The following ARHGAP22 variants were observed in gnomAD, a reference collection of about 807,000 sequenced individuals.
ARHGAP22 encodes the protein Rho GTPase activating protein 22.
A neutral mutation model predicts 59.1 loss-of-function variants in ARHGAP22; 48 were observed. That is an observed-to-expected ratio of 0.81 (90% CI 0.64 to 1.03). ARHGAP22 has a LOEUF of 1.03. Among genes scored for constraint, ARHGAP22 ranks in the 50% least tolerant of loss-of-function variants. The pLI, the probability that ARHGAP22 is intolerant of heterozygous loss-of-function variation, is 0.00. For synonymous variants in ARHGAP22, 445 were observed against 416.4 expected, an observed-to-expected ratio of 1.07 and a Z score of -0.84; for missense variants, 1,015 against 958.7, an observed-to-expected ratio of 1.06 and a Z score of -0.78.
At position 48,450,553 on chromosome 10, in the gene ARHGAP22, G is replaced by A. The variant is rs1426343305; in HGVS notation, c.1576C>T (p.Leu526Phe). ...GCGCGGCAGGCCGTGCAGCTGCTGA[G>A]TGAGCCCCCCACCGACGACTCGCTG... ...SSSESSVGGS[L>F]SSCTACRASD... The change falls in exon 9 of 10, where the codon CTC becomes TTC. Residue 526 changes from leucine to phenylalanine, a missense_variant. Physicochemically the swap from Leu to Phe is conservative, Grantham distance 22 (BLOSUM62 0). Transcript: ENST00000249601. 2 of 1,524,148 alleles carry A rather than the reference G, an allele frequency of 1.3e-6. No homozygotes were observed. The highest frequency in any genetic ancestry group is 8.8e-7 in the Non-Finnish European group (1 of 1,136,354). The allele number at this position is 1,524,148 out of a possible 1,614,324, so 94.4% of individuals were successfully genotyped here.
intron 1 of ARHGAP22, among the ~76,000 whole-genome samples, chr10:48,620,416 T>A (rs2061244914): frequency 6.6e-6 from 1 of 152,184 alleles, no homozygotes; most frequent in Non-Finnish European, 1.5e-5. Flanking sequence ...GTCACTCAGA[T>A]CAAGAGTGAC....
intron 9 of ARHGAP22, among the ~76,000 whole-genome samples, chr10:48,449,817 A>G (rs1564657830): frequency 6.6e-6 from 1 of 152,186 alleles, no homozygotes; most frequent in Non-Finnish European, 1.5e-5. Context: ...TGATCCCATC[A>G]AGGAAGGGGT....
chr10:48,496,018 A>G lies in ARHGAP22; in HGVS notation c.323-16254T>C, dbSNP rs1022816204. ...ATCAGTCAAGCCTTCAGATGAGCCC[A>G]CAGTTGCAGCCAATTCTGTGATGAG... On this transcript the variant is annotated intron_variant, in intron 3 of 9. Transcript: ENST00000249601. Among the ~76,000 whole-genome samples the G allele has an allele frequency of 4.6e-5, 7 of 152,262 alleles. No homozygotes were observed. The South Asian group carries it at 1.2e-3, about 27-fold the overall frequency.
rs1430462353 is a variant in ARHGAP22 at position 48,604,821 on chromosome 10, C to T, written c.-25G>A. The T allele has an allele frequency of 8.1e-6, 13 of 1,614,056 alleles. No individual in the cohort carries two copies. Among genetic ancestry groups the T allele is most frequent in the Non-Finnish European group, 1.1e-5 (13 of 1,180,042 alleles). On this transcript the variant is annotated 5_prime_UTR_variant, in exon 1 of 10. Transcript: ENST00000249601. ...TGTTCTTGCAGCCGTCCGGCCAGCC[C>T]CGCAGGGCCGTTCATGCTGTCATCC...
intron 3 of ARHGAP22, among the ~76,000 whole-genome samples, chr10:48,547,761 T>A (rs892509459): frequency 6.6e-6 from 1 of 152,130 alleles, no homozygotes; most frequent in African/African-American, 2.4e-5. Flanking sequence ...TGCTCCTGAG[T>A]GTGGGGGGCC....
intron 2 of ARHGAP22, among the ~76,000 whole-genome samples, chr10:48,578,730 T>C (rs2058921797): frequency 6.6e-6 from 1 of 152,136 alleles, no homozygotes; most frequent in Admixed American, 6.5e-5. Flanking sequence ...TTTGTTTATG[T>C]CTTCCTCAAA....
At position 48,450,542 on chromosome 10, in the gene ARHGAP22, G is replaced by A; in HGVS notation, c.1587C>T (p.Cys529=). Residue 529 remains cysteine, a synonymous_variant, in exon 9 of 10, where the codon TGC becomes TGT. Transcript: ENST00000249601. ...ACGAGTCGCTGGCGCGGCAGGCCGT[G>A]CAGCTGCTGAGTGAGCCCCCCACCG... ...ESSVGGSLSS[C]TACRASDSSA... is the part of the protein sequence containing the mutation. The A allele has an allele frequency of 2.0e-6, 3 of 1,520,508 alleles. No homozygotes were observed. The highest frequency in any genetic ancestry group is 2.6e-6 in the Non-Finnish European group (3 of 1,134,542). The allele number at this position is 1,520,508 out of a possible 1,614,324, so 94.2% of individuals were successfully genotyped here. A position where few individuals can be genotyped will look rare whatever the true frequency, so the allele number is the denominator to read the frequency against.
the ARHGAP22 span, among the ~76,000 whole-genome samples, chr10:48,431,519 G>C: frequency 6.6e-6 from 1 of 152,090 alleles, no homozygotes; most frequent in South Asian, 2.1e-4. Context: ...AAAACTTTTT[G>C]TTGGCATTGT....
At chr10:48,441,354 T>C (rs2045197685), downstream of ARHGAP22, among the ~76,000 whole-genome samples, 1 of 151,724 alleles carries the variant, frequency 6.6e-6, no homozygotes, top group Non-Finnish European at 1.5e-5. Flanking sequence ...GACTGAAAAC[T>C]TGGATGGAAA....
chr10:48,654,782 CTTTCTTTCTTTCTTTCTTTCTTT>C (rs2062698659), upstream of ARHGAP22, among the ~76,000 whole-genome samples: 1 of 56,476 alleles, frequency 1.8e-5, no homozygotes, highest in Non-Finnish European at 4.0e-5. Context: ...TACTTTCTTT[CTTTCTTTCTTTCTTTCTTTCTTT>C]CTTTCTTTCT....
At chr10:48,496,724 T>C (rs2050973168) in intron 3 of ARHGAP22, among the ~76,000 whole-genome samples, 1 of 152,196 alleles carries the variant, frequency 6.6e-6, no homozygotes, top group Non-Finnish European at 1.5e-5. Context: ...TAAGGAAGTC[T>C]GTACTGCCGT....
chr10:48,647,683 A>G (rs2062367335), intron 1 of ARHGAP22, among the ~76,000 whole-genome samples: 1 of 152,234 alleles, frequency 6.6e-6, no homozygotes, highest in South Asian at 2.1e-4. Flanking sequence ...TAAACCTACC[A>G]TACGACCCAG....
Position 48,457,747 on chromosome 10 carries a change from T to G in ARHGAP22, c.659+1937A>C, listed in dbSNP as rs140291261. 2.8e-3 allele frequency among the ~76,000 whole-genome samples: 429 copies of G among 152,190 alleles called. 1 individual carries two copies. Among genetic ancestry groups the G allele is most frequent in the Admixed American group, 4.4e-3 (68 of 15,306 alleles). The stretch of plus-strand genomic sequence containing the variant: ...TTTAGCAGAAGAGAAGCCCAGGACC[T>G]GGGGCTAAAGGGGACCTTCTTATAG... On this transcript the variant is annotated intron_variant, in intron 5 of 9. Transcript: ENST00000249601.
At chr10:48,545,755 G>T (rs2056378937) in intron 3 of ARHGAP22, among the ~76,000 whole-genome samples, 1 of 152,190 alleles carries the variant, frequency 6.6e-6, no homozygotes, top group African/African-American at 2.4e-5. Flanking sequence ...TGCTCCAAGG[G>T]CAGGCTGGAT....
chr10:48,639,903 CAG>C (rs1292454205), intron 1 of ARHGAP22, among the ~76,000 whole-genome samples: 2 of 151,050 alleles, frequency 1.3e-5, no homozygotes, highest in African/African-American at 4.9e-5. Flanking sequence ...TTGGATTTAA[CAG>C]AGACTTTCAA....
intron 1 of ARHGAP22, among the ~76,000 whole-genome samples, chr10:48,583,982 CTCTGCCCCTACTCCTTCCCCT>C (rs541075233): frequency 1.8e-3 from 273 of 152,288 alleles, no homozygotes; most frequent in African/African-American, 6.0e-3. Context: ...TTCTTGTCCC[CTCTGCCCCTACTCCTTCCCCT>C]TCTGTCCCCC....
intron 2 of ARHGAP22, among the ~76,000 whole-genome samples, chr10:48,557,516 G>C (rs2057383280): frequency 6.6e-6 from 1 of 152,214 alleles, no homozygotes; most frequent in Admixed American, 6.5e-5. Context: ...TCCCAGACAA[G>C]CAGACAGAGG....
At chr10:48,523,334 T>C (rs2053985847) in intron 3 of ARHGAP22, among the ~76,000 whole-genome samples, 1 of 152,196 alleles carries the variant, frequency 6.6e-6, no homozygotes, top group South Asian at 2.1e-4. Context: ...TAGGGAGCGC[T>C]GCAGTAAAGG....
At chr10:48,452,554 A>G (rs2133627689) in intron 8 of ARHGAP22, among the ~76,000 whole-genome samples, 1 of 152,360 alleles carries the variant, frequency 6.6e-6, no homozygotes, top group Non-Finnish European at 1.5e-5. Context: ...AACATGGGAT[A>G]AGGGCAAGAA....
Sources: gnomAD v4.1 joint callset for allele counts (sites outside exome capture counted in the v4.1 genomes callset) on GRCh38, gnomAD v4.1.1 for gene constraint, MANE v1.5 for transcripts, NCBI Gene and HGNC (gene_info 2026-07-23, HGNC 2026-07-21) for gene names.